GRIK1: variants seen among roughly 807,000 people sequenced by gnomAD.
The protein encoded by GRIK1 is glutamate receptor ionotropic, kainate 1.
In GRIK1, 69 loss-of-function variants were observed where a neutral mutation model predicts 105.7. The ratio of observed to expected loss-of-function variants is 0.65; its 90% CI spans 0.54 to 0.80. The LOEUF is 0.80. Ranked by LOEUF, GRIK1 falls within the 30% of genes least tolerant of loss-of-function variation. The pLI is 0.00. For synonymous variants in GRIK1, 438 were observed against 431.3 expected, an observed-to-expected ratio of 1.02 and a Z score of -0.19; for missense variants, 1,109 against 1,167.3, an observed-to-expected ratio of 0.95 and a Z score of 0.73.
chr21:29,789,461 A>T (rs2066351553), intron 1 of GRIK1, among the ~76,000 whole-genome samples: 1 of 152,178 alleles, frequency 6.6e-6, no homozygotes, highest in Admixed American at 6.5e-5. Context: ...ACAAAGAAAG[A>T]TGTCTCCTGT....
Position 29,730,833 on chromosome 21 carries a change from CA to C in GRIK1, c.119-36771del, listed in dbSNP as rs541226017. Among the ~76,000 whole-genome samples, 8 of 151,932 alleles carry C rather than the reference CA, an allele frequency of 5.3e-5. No individual in the cohort carries two copies. The South Asian group carries it at 1.7e-3, about 32-fold the overall frequency. On this transcript the variant is annotated intron_variant, in intron 1 of 17. Transcript: ENST00000327783. ...TGTCCTATGGGACATGAGGGAACTT[CA>C]AAAAATTCATTAAAAATGAAATTAA... is the stretch of plus-strand genomic sequence containing the variant.
intron 1 of GRIK1, among the ~76,000 whole-genome samples, chr21:29,868,285 G>A (rs1177654629): frequency 1.3e-5 from 2 of 152,136 alleles, no homozygotes; most frequent in Non-Finnish European, 2.9e-5. Context: ...CTGTATACCA[G>A]GCTCTCTTGT....
chr21:29,838,413 C>T (rs558238717), intron 1 of GRIK1, among the ~76,000 whole-genome samples: 2 of 151,998 alleles, frequency 1.3e-5, no homozygotes, highest in East Asian at 1.9e-4. Context: ...CTTGTTTGTA[C>T]TGAAAAAAAC....
intron 2 of GRIK1, among the ~76,000 whole-genome samples, chr21:29,693,557 G>T (rs2063626558): frequency 1.3e-5 from 2 of 152,096 alleles, no homozygotes; most frequent in Non-Finnish European, 2.9e-5. Flanking sequence ...CTTCCATAAT[G>T]TTTTATTTGA....
At chr21:29,852,600 G>A (rs1253910232) in intron 1 of GRIK1, among the ~76,000 whole-genome samples, 1 of 152,108 alleles carries the variant, frequency 6.6e-6, no homozygotes, top group Admixed American at 6.6e-5. Flanking sequence ...AATAAATGTG[G>A]CCTGAAAGCT....
rs193263083 is a variant in GRIK1 at position 29,836,572 on chromosome 21, G to A, written c.118+102811C>T. 2.5e-3 allele frequency among the ~76,000 whole-genome samples: 388 copies of A among 152,170 alleles called. 7 individuals are homozygous for A. The highest frequency in any genetic ancestry group is 7.4e-4 in the Non-Finnish European group (50 of 68,004). ...ATAAGATCCACTCTGATTTGCCATTGTTGCCTGTGAATTATAAGTTTATAA... is the reference window on the plus strand; with the variant it reads ...ATAAGATCCACTCTGATTTGCCATTATTGCCTGTGAATTATAAGTTTATAA... On this transcript the variant is annotated intron_variant, in intron 1 of 17. Transcript: ENST00000327783.
At chr21:29,698,412 A>G (rs991285132) in intron 1 of GRIK1, among the ~76,000 whole-genome samples, 7 of 152,168 alleles carry the variant, frequency 4.6e-5, no homozygotes, top group Non-Finnish European at 7.3e-5. Context: ...CAGTGGGTGA[A>G]GGGAGAAGGC....
intron 1 of GRIK1, among the ~76,000 whole-genome samples, chr21:29,920,376 G>A (rs1028307190): frequency 3.3e-5 from 5 of 152,140 alleles, no homozygotes; most frequent in South Asian, 2.1e-4. Context: ...ACCTTTGGAC[G>A]TCTGCATATG....
chr21:29,613,664 G>C (rs999857536), intron 7 of GRIK1, among the ~76,000 whole-genome samples: 1 of 152,104 alleles, frequency 6.6e-6, no homozygotes, highest in African/African-American at 2.4e-5. Flanking sequence ...ACTAATAAAA[G>C]TCTTATAAAA....
At chr21:29,782,118 G>A (rs1343149673) in intron 1 of GRIK1, among the ~76,000 whole-genome samples, 4 of 141,628 alleles carry the variant, frequency 2.8e-5, no homozygotes, top group African/African-American at 5.3e-5. Flanking sequence ...ACGGAGTCTC[G>A]CTGTGTCGCC....
At chr21:29,888,199 C>CTTTCTTTCTTTCTTTCTT (rs1391865067) in intron 1 of GRIK1, among the ~76,000 whole-genome samples, 1 of 15,788 alleles carries the variant, frequency 6.3e-5, no homozygotes, top group African/African-American at 1.3e-4. Flanking sequence ...CTTTCTTTCT[C>CTTTCTTTCTTTCTTTCTT]TCTCTCTCTC....
intron 1 of GRIK1, among the ~76,000 whole-genome samples, chr21:29,713,382 T>C (rs1217034277): frequency 6.6e-6 from 1 of 152,140 alleles, no homozygotes; most frequent in Non-Finnish European, 1.5e-5. Context: ...TTTATTTTTC[T>C]GTATTTTTTT....
chr21:29,889,634 T>TA (rs2069818147), intron 1 of GRIK1, among the ~76,000 whole-genome samples: 1 of 152,114 alleles, frequency 6.6e-6, no homozygotes, highest in Non-Finnish European at 1.5e-5. Flanking sequence ...CTTTGTAACA[T>TA]ACATTACAGG....
Position 29,796,189 on chromosome 21 carries a change from T to G in GRIK1, c.119-102126A>C, listed in dbSNP as rs141733291. 4.2e-3 allele frequency among the ~76,000 whole-genome samples: 643 copies of G among 152,304 alleles called. 4 individuals are homozygous for G. Among genetic ancestry groups the G allele is most frequent in the African/African-American group, 0.015 (615 of 41,568 alleles). On this transcript the variant is annotated intron_variant, in intron 1 of 17. Coordinates refer to ENST00000327783, the MANE Select transcript of GRIK1 (RefSeq NM_001330994.2). ...ACAAGTTTCAGAAATTTGAATTATA[T>G]CTCATTCTTAGTGGGCTAAATAATG...
chr21:29,723,536 A>T (rs1418828338), intron 1 of GRIK1, among the ~76,000 whole-genome samples: 2 of 152,220 alleles, frequency 1.3e-5, no homozygotes, highest in South Asian at 4.1e-4. Flanking sequence ...AGATAAACAG[A>T]TTGTCAGGAT....
chr21:29,697,707 G>C (rs1012472663), intron 1 of GRIK1, among the ~76,000 whole-genome samples: 10 of 152,048 alleles, frequency 6.6e-5, no homozygotes, highest in African/African-American at 1.4e-4. Context: ...ACTGTTTAAC[G>C]ATCAGCCACT....
chr21:29,615,473 C>A (rs980618683), intron 7 of GRIK1, among the ~76,000 whole-genome samples: 1 of 152,140 alleles, frequency 6.6e-6, no homozygotes, highest in Non-Finnish European at 1.5e-5. Flanking sequence ...TCATGCCTGG[C>A]TAATTTTTGT....
intron 15 of GRIK1, among the ~76,000 whole-genome samples, chr21:29,560,355 CTTTTTCTTT>C (rs1568813409): frequency 1.2e-3 from 68 of 58,854 alleles, no homozygotes; most frequent in Non-Finnish European, 1.5e-3. Flanking sequence ...TTCTTTCTTT[CTTTTTCTTT>C]CTTCCTTCCT....
intron 1 of GRIK1, among the ~76,000 whole-genome samples, chr21:29,837,905 A>G (rs921591457): frequency 2.2e-4 from 33 of 152,140 alleles, no homozygotes; most frequent in African/African-American, 8.0e-4. Flanking sequence ...GAAACTTTAT[A>G]TTTCTGGGAA....
Sources: gnomAD v4.1 joint callset for allele counts (sites outside exome capture counted in the v4.1 genomes callset) on GRCh38, gnomAD v4.1.1 for gene constraint, MANE v1.5 for transcripts, NCBI Gene and HGNC (gene_info 2026-07-23, HGNC 2026-07-21) for gene names.